NEB: variants seen among roughly 807,000 people sequenced by gnomAD.
The protein encoded by NEB is nebulin, also known as nemaline myopathy type 2.
In NEB, 512 loss-of-function variants were observed where a neutral mutation model predicts 952.2. That is an observed-to-expected ratio of 0.54 (90% confidence interval 0.50 to 0.58). The LOEUF (loss-of-function observed/expected upper bound fraction) is 0.58. NEB is among the 20% of genes least tolerant of loss of function. NEB has a pLI of 0.00. For synonymous variants in NEB, 2,900 were observed against 3,149.8 expected (o/e 0.92, Z 2.66); for missense variants, 8,428 against 9,231.1 (o/e 0.91, Z 3.56).
chr2:151,663,963 A>C, intron 44 of NEB, 104 bp from the exon 45 acceptor site: 1 of 1,176,404 alleles, frequency 8.5e-7, no homozygotes, highest in South Asian at 1.7e-5. Context: ...TTTTAGAGCT[A>C]CTCTAAAATT....
intron 10 of NEB, 84 bp downstream of exon 10, chr2:151,717,332 C>T: frequency 2.1e-6 from 2 of 949,558 alleles, no homozygotes; most frequent in Non-Finnish European, 3.4e-6. Context: ...TATCTTCAGT[C>T]TCACCTTTAG....
chr2:151,690,079 T>C (rs1229854568), intron 24 of NEB: 1 of 152,690 alleles, frequency 6.5e-6, no homozygotes, highest in African/African-American at 2.4e-5. Flanking sequence ...AAAGTCAGAA[T>C]ATGGAGTCCC....
intron 95 of NEB, among the ~76,000 whole-genome samples, chr2:151,591,706 G>GA (rs1310207042): frequency 2.4e-4 from 37 of 152,342 alleles, no homozygotes; most frequent in Non-Finnish European, 3.8e-4. Flanking sequence ...GTAAAAATCA[G>GA]AAAAAAACAT....
chr2:151,488,645 CTAAAAA>C (rs1187741634), intron 181 of NEB, among the ~76,000 whole-genome samples: 1 of 139,598 alleles, frequency 7.2e-6, no homozygotes, highest in Non-Finnish European at 1.6e-5. Context: ...GACCCTGTCT[CTAAAAA>C]TAAAAAAAAA....
intron 138 of NEB, among the ~76,000 whole-genome samples, chr2:151,539,423 T>C (rs1322474848): frequency 2.0e-5 from 3 of 152,194 alleles, no homozygotes; most frequent in Admixed American, 6.5e-5. Flanking sequence ...ACTGAGATAT[T>C]GTTCACATTT....
chr2:151,674,553 A>G lies in NEB; in HGVS notation c.3911T>C (p.Ile1304Thr). 1.2e-6 allele frequency: 2 copies of G among 1,613,812 alleles called. No individual in the cohort carries two copies. Among genetic ancestry groups the G allele is most frequent in the African/African-American group, 1.3e-5 (1 of 75,048 alleles). ...VCYKRDWYDL[I>T]AKGNNVLGDA... ...GCCCAGCACATTGTTGCCCTTGGCT[A>G]TTAAGTCATACCAATCCCGTTTATA... The change falls in exon 36 of 182, where the codon ATA becomes ACA. Residue 1304 changes from isoleucine to threonine, a missense_variant. Physicochemically the swap from Ile to Thr is moderately conservative, Grantham distance 89. Around this residue, in one of 11 missense-constraint regions of NEB, gnomAD observed 2,851 missense variants for 2,791.5 expected, o/e 1.02. Transcript: ENST00000397345.
chr2:151,693,295 T>A (rs550938736), intron 20 of NEB, among the ~76,000 whole-genome samples: 125 of 152,334 alleles, frequency 8.2e-4, no homozygotes, highest in African/African-American at 2.8e-3. Context: ...CAGGTGTACA[T>A]GTGCAGGATT....
rs1401570716 is a variant in NEB at position 151,633,654 on chromosome 2, G to A, written c.9414C>T (p.Asp3138=). The change falls in exon 65 of 182, where the codon GAC becomes GAT. Residue 3138 remains aspartate, a splice_region_variant and synonymous_variant. Coordinates refer to ENST00000397345, the MANE Select transcript of NEB (RefSeq NM_001164508.2). ...CTCCATTTATAGATGCTGTACTCAC[G>A]TCACTCTGGAGGTCATAGGCCTGCC... ...HARQAYDLQS[D]NIYKSDLQWL... 7 of 1,609,458 alleles carry A rather than the reference G, an allele frequency of 4.3e-6. No homozygotes were observed. In the East Asian group the frequency reaches 6.7e-5, roughly 15 times the overall value.
chr2:151,488,531 AG>A (rs2053165866), intron 181 of NEB, among the ~76,000 whole-genome samples: 1 of 151,656 alleles, frequency 6.6e-6, no homozygotes, highest in Admixed American at 6.6e-5. Flanking sequence ...CTGTAGTCCT[AG>A]CTATTCTGGT....
chr2:151,702,521 C>G (rs1362043143), intron 13 of NEB, among the ~76,000 whole-genome samples: 1 of 151,796 alleles, frequency 6.6e-6, no homozygotes, highest in Non-Finnish European at 1.5e-5. Flanking sequence ...GTAGGTCACT[C>G]AGGACTTGCT....
chr2:151,714,974 T>C (rs1241868608), intron 10 of NEB, among the ~76,000 whole-genome samples: 2 of 152,216 alleles, frequency 1.3e-5, no homozygotes, highest in African/African-American at 4.8e-5. Context: ...TTATTTTGGA[T>C]GCACAATAGT....
intron 14 of NEB, 23 bp from the exon 15 acceptor site, chr2:151,697,480 T>G (rs775969334): frequency 7.3e-5 from 118 of 1,607,046 alleles, no homozygotes; most frequent in Non-Finnish European, 9.4e-5. Context: ...ACATACTTCA[T>G]TTATTAATTG....
At chr2:151,682,551 C>T in intron 29 of NEB, 111 bp downstream of exon 29, 1 of 897,690 alleles carries the variant, frequency 1.1e-6, no homozygotes, top group Non-Finnish European at 1.7e-6. Context: ...AAGCTCTTTT[C>T]CTCAGCAACA....
intron 133 of NEB, among the ~76,000 whole-genome samples, chr2:151,546,818 C>G (rs566775299): frequency 6.6e-6 from 1 of 152,288 alleles, no homozygotes; most frequent in South Asian, 2.1e-4. Context: ...CTCAGCCTCC[C>G]AAAGTGCTGG....
intron 30 of NEB, among the ~76,000 whole-genome samples, 156 bp downstream of exon 30, chr2:151,680,574 A>G (rs553486564): frequency 1.3e-5 from 2 of 152,356 alleles, no homozygotes; most frequent in East Asian, 1.9e-4. Flanking sequence ...TGAATTAGGC[A>G]TGCTTTATTA....
rs1163907810 is a variant in NEB at position 151,697,534 on chromosome 2, G to C, written c.1257+10C>G. 1 of 1,607,396 alleles carries C rather than the reference G, an allele frequency of 6.2e-7. No homozygotes were observed. Among genetic ancestry groups the C allele is most frequent in the Non-Finnish European group, 8.5e-7 (1 of 1,174,898 alleles). On this transcript the variant is annotated intron_variant, in intron 14 of 181. Transcript: ENST00000397345. ...TTTTTAACAGAAAGAGTGACAGTAG[G>C]ATTGCTTACATCACTACTGAAGTTC...
Position 151,611,418 on chromosome 2 carries a change from T to C in NEB, c.11806-552A>G, listed in dbSNP as rs546571019. ...GTGATTCCTATTGCTGTTATCATTG[T>C]GGTTGCTGTTGATGGATATAGTATA... On this transcript the variant is annotated intron_variant, in intron 78 of 181. Transcript: ENST00000397345. Among the ~76,000 whole-genome samples the C allele has an allele frequency of 2.0e-5, 3 of 152,340 alleles. No homozygotes were observed. The South Asian group carries it at 6.2e-4, about 32-fold the overall frequency.
rs2061223578 is a variant in NEB at position 151,497,718 on chromosome 2, C to T, written c.24208G>A (p.Val8070Met). 6.4e-7 allele frequency: 1 copy of T among 1,572,722 alleles called. No individual in the cohort carries two copies. The highest frequency in any genetic ancestry group is 1.2e-5 in the South Asian group (1 of 85,614). The part of the protein sequence containing the change: ...VKHNQENLSS[V>M]LYKENMGKGT... ...TTGCCCATGTTTTCTTTGTATAACA[C>T]CTGTGCGATAAGAAAGCATCCAGAA... The change falls in exon 171 of 182, where the codon GTG becomes ATG. Residue 8070 changes from valine to methionine, a missense_variant and splice_region_variant. Around this residue, in one of 11 missense-constraint regions of NEB, gnomAD observed 3,374 missense variants for 3,651.5 expected, o/e 0.92. Coordinates refer to ENST00000397345, the MANE Select transcript of NEB (RefSeq NM_001164508.2).
intron 153 of NEB, among the ~76,000 whole-genome samples, chr2:151,521,764 G>C (rs2082131402): frequency 6.6e-6 from 1 of 152,034 alleles, no homozygotes; most frequent in Non-Finnish European, 1.5e-5. Context: ...CTTTTTAACT[G>C]AAAAAAAGTT....
Sources: gnomAD v4.1 joint callset for allele counts (sites outside exome capture counted in the v4.1 genomes callset) on GRCh38, gnomAD v4.1.1 for gene constraint, gnomAD v4.1.1 regional missense constraint, MANE v1.5 for transcripts, NCBI Gene and HGNC (gene_info 2026-07-23, HGNC 2026-07-21) for gene names.